The following CDK6 variants were observed in gnomAD, a reference collection of about 807,000 sequenced individuals.
CDK6 encodes cyclin-dependent kinase 6.
Under a neutral mutation model 37.1 loss-of-function variants are expected in CDK6, and 6 were observed. That is an observed-to-expected ratio of 0.16 (90% CI 0.09 to 0.32). The LOEUF (loss-of-function observed/expected upper bound fraction) is 0.32. Ranked by LOEUF, CDK6 falls within the 10% of genes least tolerant of loss-of-function variation. CDK6 has a pLI of 1.00. For synonymous variants in CDK6, 160 were observed against 161.3 expected, an observed-to-expected ratio of 0.99 and a Z score of 0.06; for missense variants, 224 against 418.9, an observed-to-expected ratio of 0.53 and a Z score of 4.06.
chr7:92,608,482 CATAT>C lies in CDK6; in HGVS notation c.*6654_*6657del, dbSNP rs1484740823. On this transcript the variant is annotated 3_prime_UTR_variant, in exon 8 of 8. Coordinates refer to ENST00000424848, the MANE Select transcript of CDK6 (RefSeq NM_001145306.2). ...TTTCCAGGCATATCTTTCACCATCA[CATAT>C]ATAGAATGATGGAAAATAAAAAAAT... The C allele has an allele frequency of 8.7e-6, 2 of 230,332 alleles. No individual in the cohort carries two copies. Among genetic ancestry groups the C allele is most frequent in the African/African-American group, 4.4e-5 (2 of 45,142 alleles). The allele number at this position is 230,332 out of a possible 1,614,324, so 14.3% of individuals were successfully genotyped here.
At chr7:92,743,817 G>T (rs1219566389) in intron 3 of CDK6, among the ~76,000 whole-genome samples, 1 of 152,174 alleles carries the variant, frequency 6.6e-6, no homozygotes, top group Non-Finnish European at 1.5e-5. Context: ...CTCAGTAAAA[G>T]AAGCTATACA....
rs1801651182 is a variant in CDK6 at position 92,835,779 on chromosome 7, G to C, written c.-368+699C>G. On this transcript the variant is annotated intron_variant, in intron 1 of 7. Coordinates refer to ENST00000424848, the MANE Select transcript of CDK6 (RefSeq NM_001145306.2). This position sits in a 1 kb window ranked among gnomAD's most constrained non-coding sequence, Gnocchi z 4.2. ...CAGATGCGCCCATATGCACACGGACGGGCGCGCTGCGGGGACCAGGGCTGC... is the reference window on the plus strand; with the variant it reads ...CAGATGCGCCCATATGCACACGGACCGGCGCGCTGCGGGGACCAGGGCTGC... Among the ~76,000 whole-genome samples the C allele has an allele frequency of 6.6e-6, 1 of 152,214 alleles. No homozygotes were observed. The highest frequency in any genetic ancestry group is 1.5e-5 in the Non-Finnish European group (1 of 68,046).
At chr7:92,832,020 C>T (rs1801498761) in intron 2 of CDK6, among the ~76,000 whole-genome samples, 1 of 152,198 alleles carries the variant, frequency 6.6e-6, no homozygotes, top group Non-Finnish European at 1.5e-5. Flanking sequence ...ATTTGTTGAA[C>T]AGAAGCCCTA....
chr7:92,759,939 T>C (rs1450280118), intron 3 of CDK6, among the ~76,000 whole-genome samples: 1 of 152,074 alleles, frequency 6.6e-6, no homozygotes, highest in Non-Finnish European at 1.5e-5. Context: ...AAACTGAAAA[T>C]GGAAAGACAT....
intron 3 of CDK6, among the ~76,000 whole-genome samples, chr7:92,765,029 T>C (rs895278548): frequency 2.0e-5 from 3 of 152,180 alleles, no homozygotes; most frequent in Non-Finnish European, 4.4e-5. Context: ...TGAATAAATA[T>C]AGTATAGTAC....
chr7:92,721,078 ACCC>A (rs1798354526), intron 4 of CDK6, among the ~76,000 whole-genome samples: 1 of 152,162 alleles, frequency 6.6e-6, no homozygotes, highest in Non-Finnish European at 1.5e-5. Context: ...GATAAAAATA[ACCC>A]ATGCCAGGTG....
At chr7:92,770,166 A>T (rs1157205384) in intron 3 of CDK6, among the ~76,000 whole-genome samples, 1 of 152,322 alleles carries the variant, frequency 6.6e-6, no homozygotes, top group East Asian at 1.9e-4. Flanking sequence ...AAATTAGAAT[A>T]TCTGTTGACT....
intron 2 of CDK6, among the ~76,000 whole-genome samples, chr7:92,822,667 T>C (rs993091929): frequency 2.0e-5 from 3 of 152,068 alleles, no homozygotes; most frequent in African/African-American, 7.2e-5. Flanking sequence ...CATACAACTA[T>C]TCAACAGGTA....
chr7:92,619,744 G>T (rs1405457809), intron 6 of CDK6, among the ~76,000 whole-genome samples: 1 of 151,686 alleles, frequency 6.6e-6, no homozygotes, highest in Non-Finnish European at 1.5e-5. Context: ...CTGTAATTCG[G>T]CCTCTATCAG....
At chr7:92,827,217 C>T (rs908879381) in intron 2 of CDK6, among the ~76,000 whole-genome samples, 3 of 152,126 alleles carry the variant, frequency 2.0e-5, no homozygotes, top group African/African-American at 4.8e-5. Context: ...TCTAAGACTT[C>T]TTCCAATTAA....
chr7:92,635,303 A>T (rs1363854809), intron 5 of CDK6, among the ~76,000 whole-genome samples: 1 of 152,156 alleles, frequency 6.6e-6, no homozygotes, highest in African/African-American at 2.4e-5. Context: ...TTTCTTCAGA[A>T]CAAGGGAGAA....
chr7:92,670,522 AAGATT>A, intron 5 of CDK6, among the ~76,000 whole-genome samples: 1 of 152,262 alleles, frequency 6.6e-6, no homozygotes, highest in East Asian at 1.9e-4. Flanking sequence ...AAAGAAAAAA[AAGATT>A]AGATTATGAT....
At chr7:92,828,403 T>C (rs377637216) in intron 2 of CDK6, among the ~76,000 whole-genome samples, 62 of 152,230 alleles carry the variant, frequency 4.1e-4, no homozygotes, top group African/African-American at 1.4e-3. Flanking sequence ...AAACAAAAAT[T>C]GCTACTTAGT....
chr7:92,700,864 A>T (rs1374614618), intron 4 of CDK6, among the ~76,000 whole-genome samples: 2 of 152,372 alleles, frequency 1.3e-5, no homozygotes, highest in Non-Finnish European at 2.9e-5. Context: ...GCATGCATGT[A>T]CCCGAAGATG....
intron 4 of CDK6, among the ~76,000 whole-genome samples, chr7:92,711,664 C>T (rs1282707178): frequency 6.8e-6 from 1 of 146,244 alleles, no homozygotes; most frequent in African/African-American, 2.5e-5. Flanking sequence ...ACCTCCTGGG[C>T]TCAAGCGATC....
At position 92,722,307 on chromosome 7, in the gene CDK6, A is replaced by G. The variant is rs1450998275; in HGVS notation, c.537+3319T>C. Reference sequence around the variant, plus strand: ...AATAACAAAACACAAGGGGCTAAAGAAAGTCTTCAAATAAGTAAAATTACA... The same window carrying G: ...AATAACAAAACACAAGGGGCTAAAGGAAGTCTTCAAATAAGTAAAATTACA... On this transcript the variant is annotated intron_variant, in intron 4 of 7. Transcript: ENST00000424848. Among the ~76,000 whole-genome samples, 4 of 152,308 alleles carry G rather than the reference A, an allele frequency of 2.6e-5. No individual in the cohort carries two copies. In the East Asian group the frequency reaches 7.7e-4, roughly 29 times the overall value.
chr7:92,652,244 A>G (rs139260990), intron 5 of CDK6, among the ~76,000 whole-genome samples: 23 of 152,272 alleles, frequency 1.5e-4, no homozygotes, highest in Non-Finnish European at 2.9e-4. Context: ...GTTTAACCCT[A>G]TTTGCCTTTG....
Position 92,762,504 on chromosome 7 carries a change from T to C in CDK6, c.369+12192A>G, listed in dbSNP as rs150094310. Among the ~76,000 whole-genome samples the C allele has an allele frequency of 2.7e-3, 405 of 152,156 alleles. 1 individual carries two copies. The highest frequency in any genetic ancestry group is 9.3e-3 in the African/African-American group (388 of 41,528). Reference sequence around the variant, plus strand: ...AGTTCCAGACTTAAATATTAACATATGATATATTAGTGAAATTAAAATTTT... The same window carrying C: ...AGTTCCAGACTTAAATATTAACATACGATATATTAGTGAAATTAAAATTTT... On this transcript the variant is annotated intron_variant, in intron 3 of 7. Coordinates refer to ENST00000424848, the MANE Select transcript of CDK6 (RefSeq NM_001145306.2).
At chr7:92,765,237 T>C (rs1165693477) in intron 3 of CDK6, among the ~76,000 whole-genome samples, 1 of 152,190 alleles carries the variant, frequency 6.6e-6, no homozygotes, top group Non-Finnish European at 1.5e-5. Flanking sequence ...CATCCGTCTC[T>C]TCACTGAGCT....
Sources: gnomAD v4.1 joint callset for allele counts (sites outside exome capture counted in the v4.1 genomes callset) on GRCh38, gnomAD v4.1.1 for gene constraint, Gnocchi (gnomAD v3.1) non-coding constraint, MANE v1.5 for transcripts, NCBI Gene and HGNC (gene_info 2026-07-23, HGNC 2026-07-21) for gene names.